SDC4: variants seen among roughly 807,000 people sequenced by gnomAD.
The protein encoded by SDC4 is syndecan 4.
A neutral mutation model predicts 20.5 loss-of-function variants in SDC4; 17 were observed. That is an observed-to-expected ratio of 0.83 (90% CI 0.57 to 1.25). SDC4 has a LOEUF of 1.25. Ranked by LOEUF, SDC4 falls within the 50% of genes most tolerant of loss-of-function variation. The pLI, the probability that SDC4 is intolerant of heterozygous loss-of-function variation, is 0.00. For synonymous variants in SDC4, 107 were observed against 105.3 expected, an observed-to-expected ratio of 1.02 and a Z score of -0.10; for missense variants, 241 against 252.3, an observed-to-expected ratio of 0.96 and a Z score of 0.30.
At chr20:45,343,518 C>T (rs1987985477) in intron 1 of SDC4, among the ~76,000 whole-genome samples, 1 of 152,202 alleles carries the variant, frequency 6.6e-6, no homozygotes, top group African/African-American at 2.4e-5. Flanking sequence ...TCCAGCAAAT[C>T]CCAGCAGGAG....
At chr20:45,331,881 C>G (rs376098880) in intron 3 of SDC4, among the ~76,000 whole-genome samples, 3 of 152,308 alleles carry the variant, frequency 2.0e-5, no homozygotes, top group African/African-American at 7.2e-5. Flanking sequence ...AAATGGGCAA[C>G]CAGCAGCCAA....
rs562603299 is a variant in SDC4 at position 45,334,550 on chromosome 20, G to A, written c.199+1232C>T. 5.9e-5 allele frequency among the ~76,000 whole-genome samples: 9 copies of A among 151,316 alleles called. No homozygotes were observed. In the South Asian group the frequency reaches 6.3e-4, roughly 11 times the overall value. On this transcript the variant is annotated intron_variant, in intron 2 of 4. Coordinates refer to ENST00000372733, the MANE Select transcript of SDC4 (RefSeq NM_002999.4). ...TGTCACCAGGCTGGAGTGCAATGGC[G>A]TGATCTCAGCTCACTGCAACCTCTG...
In SDC4 at chr20:45,333,044, G is replaced by A. The variant is rs2145709702; in HGVS notation, c.225C>T (p.Gly75=). The change falls in exon 3 of 5, where the codon GGC becomes GGT. Residue 75 remains glycine (G), a synonymous_variant. Transcript: ENST00000372733. ...DLDDLEDSMI[G]PEVVHPLVPL... Reference sequence around the variant, plus strand: ...TTACCAAGGGATGGACAACTTCAGGGCCGATCATGGAGTCTTCCAAGTCAT... The same window carrying A: ...TTACCAAGGGATGGACAACTTCAGGACCGATCATGGAGTCTTCCAAGTCAT... 1.2e-6 allele frequency: 2 copies of A among 1,614,206 alleles called. No individual in the cohort carries two copies. The highest frequency in any genetic ancestry group is 2.2e-5 in the South Asian group (2 of 91,082).
At chr20:45,336,253 A>G (rs1430802607) in intron 1 of SDC4, among the ~76,000 whole-genome samples, 2 of 152,148 alleles carry the variant, frequency 1.3e-5, no homozygotes, top group Non-Finnish European at 2.9e-5. Flanking sequence ...TCTCTACTAA[A>G]AATACAAAAA....
In SDC4 at chr20:45,335,914, C is replaced by T. The variant is rs371115732; in HGVS notation, c.67G>A (p.Glu23Lys). 1 of 1,611,942 alleles carries T rather than the reference C, an allele frequency of 6.2e-7. No homozygotes were observed. The highest frequency in any genetic ancestry group is 8.5e-7 in the Non-Finnish European group (1 of 1,179,876). Reference protein sequence around the residue: ...FVGGVAESIRETEVIDPQDLL... With the variant: ...FVGGVAESIRKTEVIDPQDLL... ...TCCTGGGGGTCGATGACCTCAGTCT[C>T]TCGGATCTAAGATAAAGAAAGGAGA... The change falls in exon 2 of 5, where the codon GAG becomes AAG. Residue 23 changes from glutamate to lysine, a missense_variant. By Grantham distance (56) the Glu-to-Lys change is moderately conservative (BLOSUM62 1). Coordinates refer to ENST00000372733, the MANE Select transcript of SDC4 (RefSeq NM_002999.4).
At chr20:45,346,224 CTA>C (rs1988029892) in intron 1 of SDC4, among the ~76,000 whole-genome samples, 1 of 152,170 alleles carries the variant, frequency 6.6e-6, no homozygotes, top group Non-Finnish European at 1.5e-5. Context: ...CCAACCGTGA[CTA>C]TGTCTGATTT....
Position 45,330,430 on chromosome 20 carries a change from G to A in SDC4, c.381C>T (p.Asn127=), listed in dbSNP as rs769374366. The A allele has an allele frequency of 1.2e-6, 2 of 1,614,214 alleles. No homozygotes were observed. Among genetic ancestry groups the A allele is most frequent in the Non-Finnish European group, 1.7e-6 (2 of 1,180,046 alleles). Residue 127 remains asparagine (N), a synonymous_variant, in exon 4 of 5, where the codon AAC becomes AAT. Transcript: ENST00000372733. The part of the protein sequence containing the change: ...SPVEESEDVS[N]KVSMSSTVQG... ...GCACAGTGCTGGACATTGACACCTT[G>A]TTGGACACATCCTCACTCTCTTCAA...
At chr20:45,347,100 A>T (rs1988043060) in intron 1 of SDC4, among the ~76,000 whole-genome samples, 3 of 152,126 alleles carry the variant, frequency 2.0e-5, no homozygotes, top group African/African-American at 7.2e-5. Context: ...GCCCCCCGAC[A>T]AAGGCGCTCC....
chr20:45,329,981 G>T (rs1172449056), intron 4 of SDC4, among the ~76,000 whole-genome samples: 2 of 152,180 alleles, frequency 1.3e-5, no homozygotes, highest in Non-Finnish European at 2.9e-5. Flanking sequence ...GATAGAGTAG[G>T]GGGAGGGGAA....
chr20:45,328,869 A>G (rs1037662154), intron 4 of SDC4, among the ~76,000 whole-genome samples: 1 of 152,206 alleles, frequency 6.6e-6, no homozygotes, highest in Non-Finnish European at 1.5e-5. Context: ...ATGGAATATC[A>G]GGCATCAACC....
chr20:45,348,238 C>G (rs972989041), intron 1 of SDC4, 87 bp downstream of exon 1: 13 of 1,143,982 alleles, frequency 1.1e-5, no homozygotes, highest in Middle Eastern at 2.0e-4. Context: ...CCGATCTGCC[C>G]CCCCCCATCC....
Position 45,326,423 on chromosome 20 carries a change from T to G in SDC4, c.*841A>C, listed in dbSNP as rs1688747769. On this transcript the variant is annotated 3_prime_UTR_variant, in exon 5 of 5. Coordinates refer to ENST00000372733, the MANE Select transcript of SDC4 (RefSeq NM_002999.4). ...AAAAAAAAAATTAATAAAAATCATC[T>G]CTCCGGCTCTTCTCTCATTTTCAAG... is the stretch of plus-strand genomic sequence containing the variant. 1 of 148,488 alleles carries G rather than the reference T, an allele frequency of 6.7e-6. No homozygotes were observed. Among genetic ancestry groups the G allele is most frequent in the Non-Finnish European group, 1.5e-5 (1 of 67,324 alleles). 9.2% of individuals were successfully genotyped at this position (148,488 alleles called of 1,614,324 possible).
chr20:45,345,126 G>A (rs998567416), intron 1 of SDC4: 6 of 152,172 alleles, frequency 3.9e-5, no homozygotes, highest in African/African-American at 1.2e-4. Context: ...AAAGTTACAT[G>A]CACGAATTTA....
chr20:45,332,953 T>A, intron 3 of SDC4, 70 bp downstream of exon 3: 1 of 1,438,430 alleles, frequency 7.0e-7, no homozygotes, highest in Non-Finnish European at 9.8e-7. Context: ...GGGGCTGTAT[T>A]TTCTGCCTCT....
chr20:45,343,812 A>G (rs1016414917), intron 1 of SDC4, among the ~76,000 whole-genome samples: 8 of 152,248 alleles, frequency 5.3e-5, no homozygotes, highest in African/African-American at 1.7e-4. Flanking sequence ...CCTCCTCCCT[A>G]CCAGGCATGG....
chr20:45,341,391 A>G (rs1987950492), intron 1 of SDC4, among the ~76,000 whole-genome samples: 1 of 152,198 alleles, frequency 6.6e-6, no homozygotes, highest in Non-Finnish European at 1.5e-5. Flanking sequence ...CTGTGAAAAA[A>G]AGATACAGAG....
rs147226917 is a variant in SDC4 at position 45,330,479 on chromosome 20, A to G, written c.332T>C (p.Val111Ala). The G allele has an allele frequency of 4.3e-5, 70 of 1,614,070 alleles. No homozygotes were observed. The highest frequency in any genetic ancestry group is 5.8e-5 in the Non-Finnish European group (69 of 1,180,020). Residue 111 changes from valine to alanine, a missense_variant, in exon 4 of 5, where the codon GTT becomes GCT. Transcript: ENST00000372733. Reference protein sequence around the residue: ...TEPKKLEENEVIPKRISPVEE... With the variant: ...TEPKKLEENEAIPKRISPVEE... ...AACGGGTGAGATTCTCTTGGGGATA[A>G]CCTCATTCTCCTCTAGTTTCTTGGG... is the stretch of plus-strand genomic sequence containing the variant.
At chr20:45,332,104 A>G (rs1475448705) in intron 3 of SDC4, among the ~76,000 whole-genome samples, 2 of 152,134 alleles carry the variant, frequency 1.3e-5, no homozygotes, top group African/African-American at 2.4e-5. Flanking sequence ...TTATGCAGGG[A>G]AATACTCATG....
chr20:45,339,672 C>T (rs1254185833), intron 1 of SDC4, among the ~76,000 whole-genome samples: 1 of 152,102 alleles, frequency 6.6e-6, no homozygotes, highest in Non-Finnish European at 1.5e-5. Context: ...CCCAGGAGGT[C>T]GAGGTTGCAG....
Sources: gnomAD v4.1 joint callset for allele counts (sites outside exome capture counted in the v4.1 genomes callset) on GRCh38, gnomAD v4.1.1 for gene constraint, MANE v1.5 for transcripts, NCBI Gene and HGNC (gene_info 2026-07-23, HGNC 2026-07-21) for gene names.